Variants in ACVR1 observed in about 807,000 individuals in gnomAD.
ACVR1 encodes activin receptor type-1.
ACVR1 carries 38 observed loss-of-function variants against 57.1 expected under a neutral mutation model. The ratio of observed to expected loss-of-function variants is 0.67; its 90% CI spans 0.51 to 0.87. The LOEUF is 0.87. ACVR1 is among the 40% of genes least tolerant of loss of function. The pLI is 0.00. For missense variants in ACVR1, 463 were observed against 638.2 expected, an observed-to-expected ratio of 0.73 and a Z score of 2.96; for synonymous variants, 212 against 228.1, an observed-to-expected ratio of 0.93 and a Z score of 0.63.
chr2:157,748,744 T>TTTTTTTC, intron 9 of ACVR1, among the ~76,000 whole-genome samples: 1 of 152,182 alleles, frequency 6.6e-6, no homozygotes, highest in African/African-American at 2.4e-5. Context: ...TCCACTCTGC[T>TTTTTTTC]ATTAGGAAAA....
intron 9 of ACVR1, among the ~76,000 whole-genome samples, chr2:157,754,448 A>G (rs1395372162): frequency 2.6e-5 from 4 of 152,190 alleles, no homozygotes; most frequent in African/African-American, 9.7e-5. Flanking sequence ...CCACAGAAAT[A>G]CAAAAGATCA....
intron 9 of ACVR1, among the ~76,000 whole-genome samples, chr2:157,753,258 G>A (rs956698724): frequency 3.9e-5 from 6 of 152,208 alleles, no homozygotes; most frequent in African/African-American, 1.4e-4. Flanking sequence ...AGCCGGGTGT[G>A]GTGGTTCACG....
In ACVR1 at chr2:157,761,031, C is replaced by A. The variant is rs2105252602; in HGVS notation, c.1113G>T (p.Gly371=). The change falls in exon 9 of 11, where the codon GGG becomes GGT. Residue 371 remains glycine, a synonymous_variant. Transcript: ENST00000434821. The part of the protein sequence containing the change: ...HSQSTNQLDV[G]NNPRVGTKRY... ...GCTTGGTGCCCACACGGGGATTGTT[C>A]CCCACATCAAGCTGATTGGTGCTCT... 1 of 1,614,090 alleles carries A rather than the reference C, an allele frequency of 6.2e-7. No individual in the cohort carries two copies. The highest frequency in any genetic ancestry group is 2.2e-5 in the East Asian group (1 of 44,868).
chr2:157,799,896 TAACATGATGTTAAGGATTA>T (rs1687261030), intron 2 of ACVR1, among the ~76,000 whole-genome samples: 1 of 152,236 alleles, frequency 6.6e-6, no homozygotes, highest in Non-Finnish European at 1.5e-5. Flanking sequence ...TAGACTATTT[TAACATGATGTTAAGGATTA>T]AACGACTGAA....
chr2:157,837,783 G>A (rs1323407211), intron 1 of ACVR1, among the ~76,000 whole-genome samples: 1 of 152,070 alleles, frequency 6.6e-6, no homozygotes, highest in African/African-American at 2.4e-5. Context: ...CAAGGAAAAT[G>A]GGCAAAAGTA....
intron 3 of ACVR1, among the ~76,000 whole-genome samples, chr2:157,791,546 T>TGCC (rs905658673): frequency 6.6e-6 from 1 of 152,258 alleles, no homozygotes; most frequent in African/African-American, 2.4e-5. Flanking sequence ...GCTCACTGTG[T>TGCC]GCCGGGCACT....
rs1157571052 is a variant in ACVR1, at chr2:157,749,234, A to T, written c.1265-10664T>A. On this transcript the variant is annotated intron_variant, in intron 9 of 10. Transcript: ENST00000434821. ...TTTCAGAATACAATGTACTTAAAGTAAAGTTCAACAGTATATTTGTGGCTG... is the reference window on the plus strand; with the variant it reads ...TTTCAGAATACAATGTACTTAAAGTTAAGTTCAACAGTATATTTGTGGCTG... Among the ~76,000 whole-genome samples the T allele has an allele frequency of 2.6e-5, 4 of 152,264 alleles. No individual in the cohort carries two copies. In the East Asian group the frequency reaches 7.7e-4, roughly 29 times the overall value.
At chr2:157,773,026 G>C (rs1371149278) in intron 6 of ACVR1, among the ~76,000 whole-genome samples, 2 of 152,128 alleles carry the variant, frequency 1.3e-5, no homozygotes, top group South Asian at 2.1e-4. Context: ...CCAAGTGGTG[G>C]GGGCAGCTTA....
intron 1 of ACVR1, among the ~76,000 whole-genome samples, chr2:157,862,166 CT>C (rs527590521): frequency 2.0e-5 from 3 of 152,176 alleles, no homozygotes; most frequent in South Asian, 4.2e-4. Context: ...TCCTACCAAT[CT>C]TTTTTTTCTC....
rs532451372 is a variant in ACVR1, at chr2:157,799,910, G to C, written c.-7-410C>G. Among the ~76,000 whole-genome samples the C allele has an allele frequency of 6.1e-4, 93 of 152,242 alleles. No homozygotes were observed. The South Asian group carries it at 7.9e-3, about 13-fold the overall frequency. On this transcript the variant is annotated intron_variant, in intron 2 of 10. Coordinates refer to ENST00000434821, the MANE Select transcript of ACVR1 (RefSeq NM_001111067.4). Reference sequence around the variant, plus strand: ...ATAGACTATTTTAACATGATGTTAAGGATTAAACGACTGAATAATTCAAGC... The same window carrying C: ...ATAGACTATTTTAACATGATGTTAACGATTAAACGACTGAATAATTCAAGC...
chr2:157,771,560 G>A (rs1686070976), intron 6 of ACVR1, among the ~76,000 whole-genome samples: 1 of 152,206 alleles, frequency 6.6e-6, no homozygotes, highest in African/African-American at 2.4e-5. Context: ...ACCCAGGCAA[G>A]TGACTGCTGG....
chr2:157,809,858 T>G (rs531624236), intron 2 of ACVR1, among the ~76,000 whole-genome samples: 12 of 152,130 alleles, frequency 7.9e-5, no homozygotes, highest in Non-Finnish European at 1.6e-4. Context: ...GAGGATCACT[T>G]GAGCCCAGGA....
intron 9 of ACVR1, among the ~76,000 whole-genome samples, chr2:157,747,194 C>A (rs953170527): frequency 2.0e-5 from 3 of 151,930 alleles, no homozygotes; most frequent in Non-Finnish European, 4.4e-5. Flanking sequence ...AATGACAGTT[C>A]CTAAAGCTGC....
intron 2 of ACVR1, among the ~76,000 whole-genome samples, chr2:157,806,577 T>A (rs1008938723): frequency 6.6e-6 from 1 of 152,226 alleles, no homozygotes; most frequent in Non-Finnish European, 1.5e-5. Context: ...TGTAACTGAT[T>A]AGATAATACA....
At chr2:157,812,738 C>T (rs1687794367) in intron 2 of ACVR1, among the ~76,000 whole-genome samples, 1 of 152,142 alleles carries the variant, frequency 6.6e-6, no homozygotes, top group Non-Finnish European at 1.5e-5. Context: ...TCAACTCTTC[C>T]TTATCTTCAA....
chr2:157,755,130 A>G (rs771421845), intron 9 of ACVR1, among the ~76,000 whole-genome samples: 1 of 152,162 alleles, frequency 6.6e-6, no homozygotes, highest in Non-Finnish European at 1.5e-5. Context: ...AAAGTCATCT[A>G]TGACAAATCT....
chr2:157,817,147 G>C (rs951566796), intron 2 of ACVR1, among the ~76,000 whole-genome samples: 1 of 151,584 alleles, frequency 6.6e-6, no homozygotes, highest in Non-Finnish European at 1.5e-5. Context: ...CTTTTTTGTA[G>C]AGACGGAGTC....
intron 8 of ACVR1, among the ~76,000 whole-genome samples, chr2:157,764,192 ATT>A (rs1306392790): frequency 2.0e-5 from 3 of 151,026 alleles, no homozygotes; most frequent in South Asian, 2.1e-4. Context: ...CTATATATAT[ATT>A]TTTTTTTAGA....
chr2:157,822,991 G>A (rs929152937), intron 1 of ACVR1, among the ~76,000 whole-genome samples: 1 of 152,176 alleles, frequency 6.6e-6, no homozygotes, highest in Non-Finnish European at 1.5e-5. Context: ...CCAAGCGTAG[G>A]ATATGTATAC....
Sources: allele counts gnomAD v4.1 joint callset (sites outside exome capture counted in the v4.1 genomes callset), GRCh38; gene constraint gnomAD v4.1.1; transcripts MANE v1.5; gene names NCBI Gene and HGNC (gene_info 2026-07-23, HGNC 2026-07-21).